HEXA: variants seen among roughly 807,000 people sequenced by gnomAD.
HEXA encodes hexosaminidase subunit alpha.
A neutral mutation model predicts 73.3 loss-of-function variants in HEXA; 54 were observed. That is an observed-to-expected ratio of 0.74 (90% CI 0.59 to 0.92). The LOEUF (loss-of-function observed/expected upper bound fraction) is 0.92. Among genes scored for constraint, HEXA ranks in the 40% least tolerant of loss-of-function variants. HEXA has a pLI of 0.00. For missense variants in HEXA, 649 were observed against 653.0 expected (o/e 0.99, Z 0.07); for synonymous variants, 230 against 246.9 (o/e 0.93, Z 0.64).
intron 9 of HEXA, 23 bp downstream of exon 9, chr15:72,348,025 A>C: frequency 6.5e-7 from 1 of 1,535,918 alleles, no homozygotes; most frequent in Non-Finnish European, 9.0e-7. Context: ...AAGGGACCCC[A>C]CCCACCCTCC....
At chr15:72,344,288 C>A (rs2088583317) in intron 13 of HEXA, 148 bp from the exon 14 acceptor site, 2 of 690,488 alleles carry the variant, frequency 2.9e-6, no homozygotes, top group Admixed American at 4.1e-5. Context: ...AATCTCAATT[C>A]CAGAGATTCT....
At chr15:72,372,201 TA>T (rs2089003043) in intron 1 of HEXA, among the ~76,000 whole-genome samples, 2 of 151,936 alleles carry the variant, frequency 1.3e-5, no homozygotes, top group South Asian at 4.2e-4. Flanking sequence ...AATAAAAAAT[TA>T]GCCAGGCATG....
At chr15:72,365,215 G>A (rs1485896755) in intron 1 of HEXA, among the ~76,000 whole-genome samples, 2 of 152,156 alleles carry the variant, frequency 1.3e-5, no homozygotes, top group Non-Finnish European at 2.9e-5. Context: ...TCAGCCTCCT[G>A]AGTAGCTGGG....
At chr15:72,351,418 G>C (rs2088694753) in intron 5 of HEXA, 184 bp from the exon 6 acceptor site, 5 of 664,142 alleles carry the variant, frequency 7.5e-6, no homozygotes, top group Non-Finnish European at 1.1e-5. Context: ...GGCATGGAGG[G>C]AAGGCCCAGC....
chr15:72,374,499 T>C (rs1226747821), intron 1 of HEXA, among the ~76,000 whole-genome samples: 1 of 152,016 alleles, frequency 6.6e-6, no homozygotes, highest in African/African-American at 2.4e-5. Context: ...ATATATCAAA[T>C]GATAACTTTT....
At chr15:72,359,599 G>A (rs532274962) in intron 1 of HEXA, 1 of 149,762 alleles carries the variant, frequency 6.7e-6, no homozygotes, top group Non-Finnish European at 1.5e-5. Context: ...AGGAGGCTGA[G>A]GCAGGAGAAT....
chr15:72,345,218 T>C, intron 13 of HEXA: 1 of 694,662 alleles, frequency 1.4e-6, no homozygotes, highest in South Asian at 1.9e-5. Context: ...ACAATATAAA[T>C]GCTATGTAAA....
chr15:72,372,112 C>T (rs2089002065), intron 1 of HEXA, among the ~76,000 whole-genome samples: 1 of 152,086 alleles, frequency 6.6e-6, no homozygotes, highest in Non-Finnish European at 1.5e-5. Flanking sequence ...GTGGGCAGAT[C>T]ACATGAGGCC....
At chr15:72,347,781 G>T in intron 9 of HEXA, 23 bp from the exon 10 acceptor site, 1 of 1,608,434 alleles carries the variant, frequency 6.2e-7, no homozygotes, top group Non-Finnish European at 8.5e-7. Context: ...GGAGTGTCTA[G>T]TAAGTGTCTG....
intron 12 of HEXA, 97 bp downstream of exon 12, chr15:72,346,138 G>A: frequency 1.2e-6 from 1 of 832,328 alleles, no homozygotes; most frequent in Non-Finnish European, 2.1e-6. Context: ...CCTGAAAGAA[G>A]GGTACTAGTC....
chr15:72,364,010 G>T (rs906159790), intron 1 of HEXA, among the ~76,000 whole-genome samples: 2 of 152,264 alleles, frequency 1.3e-5, no homozygotes, highest in Middle Eastern at 3.4e-3. Flanking sequence ...CCAGCACTTT[G>T]GGAGGCTGAG....
At chr15:72,365,185 G>A (rs1224878862) in intron 1 of HEXA, among the ~76,000 whole-genome samples, 1 of 152,184 alleles carries the variant, frequency 6.6e-6, no homozygotes, top group Non-Finnish European at 1.5e-5. Flanking sequence ...CGCCTCCCAG[G>A]TTCATGCCAT....
rs1245044536 is a variant in HEXA at position 72,345,532 on chromosome 15, A to C, written c.1440T>G (p.Val480=). ...ACTTGTTGCTCCACAGCCTTTCGGC[A>C]ACAGCCCCTGCTCTGGGCCTGGAGG... is the stretch of plus-strand genomic sequence containing the variant. ...VPRLWPRAGA[V]AERLWSNKLT... The change falls in exon 13 of 14, where the codon GTT becomes GTG. Residue 480 remains valine, a synonymous_variant. Coordinates refer to ENST00000268097, the MANE Select transcript of HEXA (RefSeq NM_000520.6). The C allele has an allele frequency of 1.2e-6, 2 of 1,614,146 alleles. No individual in the cohort carries two copies. Among genetic ancestry groups the C allele is most frequent in the Non-Finnish European group, 1.7e-6 (2 of 1,180,056 alleles).
At chr15:72,358,813 G>C (rs1364885050) in intron 1 of HEXA, 2 of 152,234 alleles carry the variant, frequency 1.3e-5, no homozygotes, top group Non-Finnish European at 2.9e-5. Flanking sequence ...GGGACACTAG[G>C]TCATTGTAAA....
chr15:72,347,599 G>A, intron 10 of HEXA, 87 bp downstream of exon 10: 1 of 1,046,448 alleles, frequency 9.6e-7, no homozygotes, highest in East Asian at 2.4e-5. Context: ...AAACCAGGAG[G>A]ATCAGTCTCT....
chr15:72,369,532 TTTTGTTTG>T (rs573023919), intron 1 of HEXA, among the ~76,000 whole-genome samples: 2 of 152,144 alleles, frequency 1.3e-5, no homozygotes, highest in South Asian at 2.1e-4. Context: ...GTTTCTAGGT[TTTTGTTTG>T]TTTGTTTGTT....
At chr15:72,359,828 A>G (rs1041170883) in intron 1 of HEXA, 1 of 151,082 alleles carries the variant, frequency 6.6e-6, no homozygotes, top group Non-Finnish European at 1.5e-5. Flanking sequence ...TAGTCCCCTC[A>G]GTAAAGAGAC....
In HEXA at chr15:72,341,543, T is replaced by A. The variant is rs890863365; in HGVS notation, c.*2534A>T. 3 of 152,204 alleles carry A rather than the reference T, an allele frequency of 2.0e-5. No homozygotes were observed. Among genetic ancestry groups the A allele is most frequent in the Non-Finnish European group, 2.9e-5 (2 of 68,080 alleles). 9.4% of individuals were successfully genotyped at this position (152,204 alleles called of 1,614,324 possible). Reference sequence around the variant, plus strand: ...GGGGTGGGGAGCGACTGGAGAACTCTTTTCCTAGGATGACTGGAGCCAGGA... The same window carrying A: ...GGGGTGGGGAGCGACTGGAGAACTCATTTCCTAGGATGACTGGAGCCAGGA... On this transcript the variant is annotated 3_prime_UTR_variant, in exon 14 of 14. Coordinates refer to ENST00000268097, the MANE Select transcript of HEXA (RefSeq NM_000520.6).
At chr15:72,355,511 C>T (rs2088763872) in intron 3 of HEXA, 48 bp downstream of exon 3, 1 of 1,354,220 alleles carries the variant, frequency 7.4e-7, no homozygotes, top group East Asian at 2.3e-5. Context: ...CACCAACCTT[C>T]CCACATCATC....
Sources: gnomAD v4.1 joint callset for allele counts (sites outside exome capture counted in the v4.1 genomes callset) on GRCh38, gnomAD v4.1.1 for gene constraint, MANE v1.5 for transcripts, NCBI Gene and HGNC (gene_info 2026-07-23, HGNC 2026-07-21) for gene names.